The following EYS variants were observed in gnomAD, a reference collection of about 807,000 sequenced individuals.
EYS encodes the protein EGF-like photoreceptor maintenance factor.
In EYS, 250 loss-of-function variants were observed where a neutral mutation model predicts 282.1. That is an observed-to-expected ratio of 0.89 (90% CI 0.80 to 0.98). The LOEUF is 0.98. Ranked by LOEUF, EYS falls within the 50% of genes least tolerant of loss-of-function variation. The pLI, the probability that EYS is intolerant of heterozygous loss-of-function variation, is 0.00. For synonymous variants in EYS, 1,355 were observed against 1,282.9 expected (o/e 1.06, Z -1.20); for missense variants, 4,016 against 3,709.0 (o/e 1.08, Z -2.15).
intron 35 of EYS, among the ~76,000 whole-genome samples, chr6:63,890,621 T>C (rs1773382813): frequency 6.6e-6 from 1 of 152,162 alleles, no homozygotes; most frequent in Non-Finnish European, 1.5e-5. Context: ...TTTATAGCAC[T>C]AAATGCCCAC....
chr6:65,451,947 C>CT (rs1302097849), intron 5 of EYS, among the ~76,000 whole-genome samples: 1 of 151,320 alleles, frequency 6.6e-6, no homozygotes, highest in Non-Finnish European at 1.5e-5. Flanking sequence ...TATCTTTTGC[C>CT]TTGTTAAATG....
chr6:64,444,692 C>A (rs191263162), intron 26 of EYS, among the ~76,000 whole-genome samples: 3 of 152,256 alleles, frequency 2.0e-5, no homozygotes, highest in African/African-American at 7.2e-5. Context: ...CCCTCCAAAT[C>A]CCATGTGGAA....
intron 26 of EYS, among the ~76,000 whole-genome samples, chr6:64,446,987 G>GT (rs151056338): frequency 0.011 from 740 of 69,874 alleles, 2 homozygotes; most frequent in African/African-American, 0.027. Flanking sequence ...GTGTGTGTGT[G>GT]GGGGGGGGGT....
chr6:64,225,748 TC>T (rs923684123), intron 31 of EYS, among the ~76,000 whole-genome samples: 24 of 152,058 alleles, frequency 1.6e-4, no homozygotes, highest in African/African-American at 5.8e-4. Flanking sequence ...AGCCCAGTGT[TC>T]CCTGCTGGAG....
At chr6:63,940,971 A>G (rs1378463821) in intron 35 of EYS, among the ~76,000 whole-genome samples, 1 of 151,998 alleles carries the variant, frequency 6.6e-6, no homozygotes, top group Non-Finnish European at 1.5e-5. Flanking sequence ...GCTCAGAATG[A>G]TGATTTCCAG....
intron 2 of EYS, among the ~76,000 whole-genome samples, chr6:65,605,836 G>T (rs1284717115): frequency 6.6e-6 from 1 of 151,602 alleles, no homozygotes; most frequent in Non-Finnish European, 1.5e-5. Flanking sequence ...ATTTATATAT[G>T]ATTGTATGCA....
chr6:65,154,792 AG>A (rs1271582273), intron 12 of EYS, among the ~76,000 whole-genome samples: 1 of 151,628 alleles, frequency 6.6e-6, no homozygotes, highest in Non-Finnish European at 1.5e-5. Context: ...ATTTTCAGTC[AG>A]GATATGTAAT....
chr6:65,018,507 T>A, intron 13 of EYS, among the ~76,000 whole-genome samples: 1 of 152,328 alleles, frequency 6.6e-6, no homozygotes, highest in East Asian at 1.9e-4. Context: ...TATATCCTCA[T>A]TTTAATTTAA....
intron 26 of EYS, among the ~76,000 whole-genome samples, chr6:64,480,931 A>T (rs1011615373): frequency 6.6e-6 from 1 of 151,682 alleles, no homozygotes; most frequent in African/African-American, 2.4e-5. Flanking sequence ...GACTTTTCCA[A>T]GACTTTTTTT....
intron 28 of EYS, among the ~76,000 whole-genome samples, chr6:64,402,719 T>C (rs950658086): frequency 6.6e-6 from 1 of 152,208 alleles, no homozygotes; most frequent in African/African-American, 2.4e-5. Flanking sequence ...AAAAATACCA[T>C]GCAATTCAAT....
At chr6:64,798,923 C>G (rs922596895) in intron 22 of EYS, among the ~76,000 whole-genome samples, 1 of 151,894 alleles carries the variant, frequency 6.6e-6, no homozygotes, top group Non-Finnish European at 1.5e-5. Flanking sequence ...CCTGTCTTCT[C>G]CCATTATACT....
intron 31 of EYS, among the ~76,000 whole-genome samples, chr6:64,171,657 C>G (rs189173879): frequency 5.3e-5 from 8 of 151,964 alleles, no homozygotes; most frequent in Non-Finnish European, 1.0e-4. Context: ...AACAAAATAC[C>G]CAGCTCAAAC....
At chr6:65,682,919 G>C (rs1283550119) in intron 1 of EYS, among the ~76,000 whole-genome samples, 2 of 151,910 alleles carry the variant, frequency 1.3e-5, no homozygotes, top group African/African-American at 4.8e-5. Flanking sequence ...CGCGGTCATG[G>C]CAGAAAGGAA....
chr6:63,788,891 T>C (rs944223575), intron 38 of EYS, among the ~76,000 whole-genome samples, 167 bp downstream of exon 38: 3 of 152,224 alleles, frequency 2.0e-5, no homozygotes, highest in African/African-American at 7.2e-5. Flanking sequence ...TTATTTGTTC[T>C]CACACCACTT....
intron 1 of EYS, among the ~76,000 whole-genome samples, chr6:65,674,881 T>C (rs1768523137): frequency 6.6e-6 from 1 of 152,008 alleles, no homozygotes; most frequent in Admixed American, 6.6e-5. Flanking sequence ...TTAGTTCTGG[T>C]GTATAATGAA....
intron 1 of EYS, among the ~76,000 whole-genome samples, chr6:65,706,126 C>T (rs948552058): frequency 2.0e-5 from 3 of 151,406 alleles, no homozygotes; most frequent in African/African-American, 7.3e-5. Context: ...TTAGAAATCA[C>T]ATTTAATAAT....
intron 12 of EYS, among the ~76,000 whole-genome samples, chr6:65,109,111 A>G (rs1775130958): frequency 6.6e-6 from 1 of 151,758 alleles, no homozygotes; most frequent in Non-Finnish European, 1.5e-5. Context: ...TATTTTGTCT[A>G]TTTTGTAAAA....
chr6:63,906,124 G>T (rs1363999701), intron 35 of EYS, among the ~76,000 whole-genome samples: 1 of 152,210 alleles, frequency 6.6e-6, no homozygotes, highest in Non-Finnish European at 1.5e-5. Context: ...AATGTAGGAA[G>T]ATATTTCGAG....
intron 30 of EYS, among the ~76,000 whole-genome samples, chr6:64,251,271 T>A (rs1230901556): frequency 6.6e-6 from 1 of 152,186 alleles, no homozygotes; most frequent in African/African-American, 2.4e-5. Context: ...TTTAATAAGC[T>A]TTAAAGCAAC....
Sources: gnomAD v4.1 joint callset for allele counts (sites outside exome capture counted in the v4.1 genomes callset) on GRCh38, gnomAD v4.1.1 for gene constraint, MANE v1.5 for transcripts, NCBI Gene and HGNC (gene_info 2026-07-23, HGNC 2026-07-21) for gene names.